Variants in ESRRB observed in about 807,000 individuals in gnomAD.
ESRRB encodes estrogen related receptor beta, also known as steroid hormone receptor ERR2.
A neutral mutation model predicts 46.0 loss-of-function variants in ESRRB; 16 were observed. That is an observed-to-expected ratio of 0.35 (90% CI 0.24 to 0.53). ESRRB has a LOEUF of 0.53. Ranked by LOEUF, ESRRB falls within the 20% of genes least tolerant of loss-of-function variation. ESRRB has a pLI of 0.93. For missense variants in ESRRB, 488 were observed against 607.4 expected, an observed-to-expected ratio of 0.80 and a Z score of 2.07; for synonymous variants, 246 against 259.6, an observed-to-expected ratio of 0.95 and a Z score of 0.50.
intron 3 of ESRRB, among the ~76,000 whole-genome samples, chr14:76,472,019 C>T (rs111914404): frequency 1.9e-4 from 29 of 152,278 alleles, no homozygotes; most frequent in African/African-American, 5.3e-4. Context: ...TGAGTTTCAG[C>T]GATTTGACCA....
intron 1 of ESRRB, among the ~76,000 whole-genome samples, chr14:76,321,116 C>G (rs1156371343): frequency 6.6e-6 from 1 of 152,178 alleles, no homozygotes; most frequent in Non-Finnish European, 1.5e-5. Flanking sequence ...CTGTGTCTAA[C>G]TTATTTCTTA....
rs576986142 is a variant in ESRRB, at chr14:76,322,664, G to A, written c.2+11748G>A. On this transcript the variant is annotated intron_variant, in intron 1 of 6. Coordinates refer to the ESRRB transcript ENST00000512784. ...ATCATCTTAACCCCTTGGGGGACAC[G>A]AACATGTTCATCCCTCCATGTGGGC... Among the ~76,000 whole-genome samples, 7 of 152,286 alleles carry A rather than the reference G, an allele frequency of 4.6e-5. No homozygotes were observed. In the South Asian group the frequency reaches 6.2e-4, roughly 14 times the overall value.
upstream of ESRRB, among the ~76,000 whole-genome samples, chr14:76,370,033 C>T (rs1448094040): frequency 1.3e-5 from 2 of 152,106 alleles, no homozygotes; most frequent in Non-Finnish European, 2.9e-5. Flanking sequence ...TTTTCTTCTA[C>T]CAGTGATGAG....
chr14:76,331,970 G>A (rs1333669460), intron 1 of ESRRB, among the ~76,000 whole-genome samples: 3 of 151,946 alleles, frequency 2.0e-5, no homozygotes, highest in Non-Finnish European at 4.4e-5. Context: ...TTTGGTGTTA[G>A]CTCTCATCCT....
intron 5 of ESRRB, among the ~76,000 whole-genome samples, chr14:76,483,596 A>G (rs1204240000): frequency 2.0e-5 from 3 of 152,156 alleles, no homozygotes; most frequent in Non-Finnish European, 4.4e-5. Flanking sequence ...ACCAACACCC[A>G]TGTATTCTAC....
intron 1 of ESRRB, among the ~76,000 whole-genome samples, chr14:76,323,763 T>C (rs1399399753): frequency 6.6e-6 from 1 of 152,138 alleles, no homozygotes. Flanking sequence ...TCTGTCAACT[T>C]CCCGAGTGGT....
intron 1 of ESRRB, among the ~76,000 whole-genome samples, chr14:76,425,934 G>A (rs1887179337): frequency 6.6e-6 from 1 of 152,088 alleles, no homozygotes; most frequent in African/African-American, 2.4e-5. Context: ...TTACAGGTGT[G>A]AGCCACCACA....
chr14:76,381,290 G>C (rs1885004758), intron 1 of ESRRB, among the ~76,000 whole-genome samples: 1 of 152,118 alleles, frequency 6.6e-6, no homozygotes, highest in Non-Finnish European at 1.5e-5. Flanking sequence ...GCACTTCACG[G>C]TGACCCCTGT....
At chr14:76,361,740 C>T (rs941288805) in intron 1 of ESRRB, among the ~76,000 whole-genome samples, 1 of 152,218 alleles carries the variant, frequency 6.6e-6, no homozygotes, top group African/African-American at 2.4e-5. Flanking sequence ...ATGGTCCTAA[C>T]TATGTGGCCT....
chr14:76,487,759 A>G (rs1441390024), intron 5 of ESRRB, among the ~76,000 whole-genome samples: 2 of 152,128 alleles, frequency 1.3e-5, no homozygotes. Flanking sequence ...ATGCACCACC[A>G]TGTCCGGCTA....
At chr14:76,396,404 C>A (rs1885683642) in intron 1 of ESRRB, among the ~76,000 whole-genome samples, 1 of 152,042 alleles carries the variant, frequency 6.6e-6, no homozygotes, top group African/African-American at 2.4e-5. Context: ...TTTGAGTTAG[C>A]TGTAGGGAAT....
At chr14:76,329,728 G>A (rs1405137391) in intron 1 of ESRRB, among the ~76,000 whole-genome samples, 5 of 152,030 alleles carry the variant, frequency 3.3e-5, no homozygotes, top group South Asian at 2.1e-4. Context: ...TGCAATGGCC[G>A]CTCAGTCCGT....
chr14:76,449,277 C>T (rs918384307), intron 2 of ESRRB, among the ~76,000 whole-genome samples: 1 of 152,150 alleles, frequency 6.6e-6, no homozygotes, highest in Non-Finnish European at 1.5e-5. Flanking sequence ...CCAGGCCAGG[C>T]ATGGTGGCTC....
chr14:76,433,433 T>C (rs946348703), intron 1 of ESRRB, among the ~76,000 whole-genome samples: 2 of 152,114 alleles, frequency 1.3e-5, no homozygotes, highest in Admixed American at 6.6e-5. Flanking sequence ...GAGGTATCGA[T>C]ACCTAATTTT....
intron 3 of ESRRB, among the ~76,000 whole-genome samples, chr14:76,466,999 CG>C (rs1358131391): frequency 4.0e-5 from 6 of 151,892 alleles, no homozygotes; most frequent in African/African-American, 1.4e-4. Flanking sequence ...GGATTACAGG[CG>C]TGAGCCACTG....
intron 1 of ESRRB, among the ~76,000 whole-genome samples, chr14:76,378,522 C>G (rs1253006397): frequency 6.6e-6 from 1 of 151,972 alleles, no homozygotes; most frequent in Non-Finnish European, 1.5e-5. Context: ...ATTAGCTTGT[C>G]CCTCCATGGG....
intron 2 of ESRRB, among the ~76,000 whole-genome samples, chr14:76,462,042 C>G (rs1430366046): frequency 6.6e-6 from 1 of 152,180 alleles, no homozygotes; most frequent in Non-Finnish European, 1.5e-5. Context: ...GTTAGCAAAG[C>G]CAGGTGGCCT....
chr14:76,367,569 A>G (rs1455790104), upstream of ESRRB, among the ~76,000 whole-genome samples: 2 of 151,946 alleles, frequency 1.3e-5, no homozygotes, highest in Non-Finnish European at 2.9e-5. Context: ...AAAAAAAAAA[A>G]AAAATCACGC....
At chr14:76,387,438 G>A (rs1304945186) in intron 1 of ESRRB, among the ~76,000 whole-genome samples, 1 of 152,312 alleles carries the variant, frequency 6.6e-6, no homozygotes, top group African/African-American at 2.4e-5. Context: ...AATCCCAGGG[G>A]GTGAGCCTTC....
Sources: gnomAD v4.1 joint callset for allele counts (sites outside exome capture counted in the v4.1 genomes callset) on GRCh38, gnomAD v4.1.1 for gene constraint, MANE v1.5 for transcripts, NCBI Gene and HGNC (gene_info 2026-07-23, HGNC 2026-07-21) for gene names.